The following PSMA8 variants were observed in gnomAD, a reference collection of about 807,000 sequenced individuals.
PSMA8 encodes proteasome 20S subunit alpha 8, also known as proteasome subunit alpha-type 8.
Under a neutral mutation model 32.4 loss-of-function variants are expected in PSMA8, and 18 were observed. The ratio of observed to expected loss-of-function variants is 0.56; its 90% CI spans 0.38 to 0.82. The LOEUF (loss-of-function observed/expected upper bound fraction) is 0.82. Among genes scored for constraint, PSMA8 ranks in the 40% least tolerant of loss-of-function variants. The pLI is 0.00. For missense variants in PSMA8, 298 were observed against 300.7 expected, an observed-to-expected ratio of 0.99 and a Z score of 0.07; for synonymous variants, 104 against 98.1, an observed-to-expected ratio of 1.06 and a Z score of -0.36.
At position 26,192,338 on chromosome 18, in the gene PSMA8, T is replaced by C. The variant is rs982439179; in HGVS notation, c.680T>C (p.Val227Ala). 2.6e-6 allele frequency: 4 copies of C among 1,514,614 alleles called. No homozygotes were observed. Among genetic ancestry groups the C allele is most frequent in the South Asian group, 1.4e-5 (1 of 72,058 alleles). The allele number at this position is 1,514,614 out of a possible 1,614,324, so 93.8% of individuals were successfully genotyped here. The stretch of plus-strand genomic sequence containing the variant: ...TTTCAGATGTTTAGTGCAAAAGAAG[T>C]TGAATTATATGTAACTGAAATAGAA... ...QPLKMFSAKE[V>A]ELYVTEIEKE... The change falls in exon 7 of 7, where the codon GTT becomes GCT. Residue 227 changes from valine (V) to alanine (A), a missense_variant. Val to Ala is a moderately conservative substitution (Grantham distance 64, BLOSUM62 0). Coordinates refer to ENST00000415576, the MANE Select transcript of PSMA8 (RefSeq NM_001025096.2).
At chr18:26,134,652 G>A (rs1160695586) in intron 1 of PSMA8, among the ~76,000 whole-genome samples, 1 of 152,062 alleles carries the variant, frequency 6.6e-6, no homozygotes, top group African/African-American at 2.4e-5. Flanking sequence ...TCAAACACAC[G>A]CGTTAAAAAT....
At chr18:26,164,422 C>T (rs1468652522) in intron 4 of PSMA8, among the ~76,000 whole-genome samples, 2 of 152,134 alleles carry the variant, frequency 1.3e-5, no homozygotes, top group African/African-American at 4.8e-5. Context: ...AAAGTTGTGG[C>T]GGACACCACC....
intron 2 of PSMA8, among the ~76,000 whole-genome samples, chr18:26,151,393 A>G (rs1352422665): frequency 2.0e-5 from 3 of 152,252 alleles, no homozygotes; most frequent in Non-Finnish European, 4.4e-5. Flanking sequence ...GTCTCCTTAC[A>G]GAAGTGTTGA....
chr18:26,164,508 A>G (rs1395943118), intron 4 of PSMA8, among the ~76,000 whole-genome samples: 1 of 152,230 alleles, frequency 6.6e-6, no homozygotes, highest in Non-Finnish European at 1.5e-5. Context: ...GCAATGGAAA[A>G]GAAATAACAT....
intron 1 of PSMA8, chr18:26,140,259 C>CA: frequency 1.6e-6 from 1 of 639,848 alleles, no homozygotes; most frequent in Non-Finnish European, 2.8e-6. Context: ...CCACAGGTGC[C>CA]AGCCTTGTAC....
intron 4 of PSMA8, among the ~76,000 whole-genome samples, chr18:26,164,485 G>A (rs759220836): frequency 1.4e-4 from 21 of 152,128 alleles, no homozygotes; most frequent in Non-Finnish European, 2.1e-4. Flanking sequence ...CATTATATGC[G>A]TCCTGCTGTG....
chr18:26,172,601 A>G (rs1332133968), intron 4 of PSMA8, among the ~76,000 whole-genome samples: 1 of 152,166 alleles, frequency 6.6e-6, no homozygotes, highest in Non-Finnish European at 1.5e-5. Flanking sequence ...CTTAGAGACC[A>G]GTTGAGAAGC....
At position 26,135,456 on chromosome 18, in the gene PSMA8, T is replaced by TAA. The variant is rs370819294; in HGVS notation, c.102+1398_102+1399dup. Reference sequence around the variant, plus strand: ...TTATAAATCTAACAGATGTAAGTGGTAAAAAAAAAACACTAGAAGAAGAAT... The same window carrying TAA: ...TTATAAATCTAACAGATGTAAGTGGTAAAAAAAAAAAACACTAGAAGAAGAAT... On this transcript the variant is annotated intron_variant, in intron 1 of 6. Transcript: ENST00000415576. Among the ~76,000 whole-genome samples, 6 of 148,600 alleles carry TAA rather than the reference T, an allele frequency of 4.0e-5. No individual in the cohort carries two copies. In the South Asian group the frequency reaches 6.4e-4, roughly 16 times the overall value.
chr18:26,149,981 AT>A (rs2055032336), intron 2 of PSMA8, among the ~76,000 whole-genome samples: 1 of 152,256 alleles, frequency 6.6e-6, no homozygotes, highest in Non-Finnish European at 1.5e-5. Context: ...TTATGATTGT[AT>A]CCTCAATATA....
In PSMA8 at chr18:26,167,845, ATT is replaced by A. The variant is rs762830746; in HGVS notation, c.477+9618_477+9619del. 1.4e-3 allele frequency among the ~76,000 whole-genome samples: 162 copies of A among 117,480 alleles called. 13 individuals carry two copies. The highest frequency in any genetic ancestry group is 8.0e-3 in the Middle Eastern group (2 of 250). The allele number at this position is 117,480 out of a possible 152,430, so 77.1% of individuals were successfully genotyped here. ...TGGTTTATGCCACCTGGTCTGTGGTATTTTTTTTTTTTTTTTTTATTAACAAG... is the reference window on the plus strand; with the variant it reads ...TGGTTTATGCCACCTGGTCTGTGGTATTTTTTTTTTTTTTTTATTAACAAG... On this transcript the variant is annotated intron_variant, in intron 4 of 6. Coordinates refer to ENST00000415576, the MANE Select transcript of PSMA8 (RefSeq NM_001025096.2).
chr18:26,168,130 T>A (rs2055194767), intron 4 of PSMA8, among the ~76,000 whole-genome samples: 2 of 112,768 alleles, frequency 1.8e-5, no homozygotes, highest in Admixed American at 1.8e-4. Flanking sequence ...GGCTTTTCAG[T>A]TTATAATGCA....
intron 4 of PSMA8, among the ~76,000 whole-genome samples, chr18:26,168,488 G>GTTTTTT (rs774062151): frequency 4.4e-5 from 3 of 67,674 alleles, no homozygotes; most frequent in African/African-American, 8.0e-5. Flanking sequence ...CTTTCCCCTT[G>GTTTTTT]TTTTTTTTTT....
At position 26,184,961 on chromosome 18, in the gene PSMA8, G is replaced by A. The variant is rs376689528; in HGVS notation, c.660+5831G>A. On this transcript the variant is annotated intron_variant, in intron 6 of 6. Transcript: ENST00000415576. The stretch of plus-strand genomic sequence containing the variant: ...AAATTAGCCAGGGGTGGTGGCTGGC[G>A]CCTGTAATTTCAGCTATTCAGGGGG... 4.0e-4 allele frequency among the ~76,000 whole-genome samples: 60 copies of A among 148,740 alleles called. 3 individuals are homozygous for A. Among genetic ancestry groups the A allele is most frequent in the African/African-American group, 1.4e-3 (56 of 40,142 alleles).
At chr18:26,177,078 C>G (rs1220847839) in intron 4 of PSMA8, among the ~76,000 whole-genome samples, 1 of 152,124 alleles carries the variant, frequency 6.6e-6, no homozygotes, top group Non-Finnish European at 1.5e-5. Context: ...CATAGTGTAT[C>G]AAGTTAAAAG....
chr18:26,176,748 C>T (rs1478917247), intron 4 of PSMA8, among the ~76,000 whole-genome samples: 2 of 151,912 alleles, frequency 1.3e-5, no homozygotes, highest in East Asian at 1.9e-4. Context: ...GCCTGGCCAA[C>T]AGGGTGAAAC....
At chr18:26,156,670 A>ATATATATTTTATATATATAATAG (rs1568060024) in intron 3 of PSMA8, among the ~76,000 whole-genome samples, 1 of 147,846 alleles carries the variant, frequency 6.8e-6, no homozygotes, top group Non-Finnish European at 1.5e-5. Flanking sequence ...ATATATAATA[A>ATATATATTTTATATATATAATAG]TGTGTGTGTA....
intron 4 of PSMA8, among the ~76,000 whole-genome samples, chr18:26,158,495 T>C (rs1019824022): frequency 1.3e-5 from 2 of 152,202 alleles, no homozygotes; most frequent in Non-Finnish European, 2.9e-5. Flanking sequence ...AAGAGAAATA[T>C]CCAGTTCCTA....
Position 26,179,062 on chromosome 18 carries a change from C to A in PSMA8, c.598-6C>A. 1 of 1,612,502 alleles carries A rather than the reference C, an allele frequency of 6.2e-7. No individual in the cohort carries two copies. Among genetic ancestry groups the A allele is most frequent in the Non-Finnish European group, 8.5e-7 (1 of 1,179,108 alleles). Reference sequence around the variant, plus strand: ...TAATTCTAATAGTGTACTTGTTCTACATTAGGTTGTCCAGTCTGGTGGAAA... The same window carrying A: ...TAATTCTAATAGTGTACTTGTTCTAAATTAGGTTGTCCAGTCTGGTGGAAA... On this transcript the variant is annotated splice_polypyrimidine_tract_variant and splice_region_variant and intron_variant, in intron 5 of 6. Transcript: ENST00000415576.
At chr18:26,149,585 T>C (rs1251566025) in intron 2 of PSMA8, among the ~76,000 whole-genome samples, 1 of 152,198 alleles carries the variant, frequency 6.6e-6, no homozygotes, top group Non-Finnish European at 1.5e-5. Flanking sequence ...GAAAGACATG[T>C]AACTAATGGA....
Sources: gnomAD v4.1 joint callset for allele counts (sites outside exome capture counted in the v4.1 genomes callset) on GRCh38, gnomAD v4.1.1 for gene constraint, MANE v1.5 for transcripts, NCBI Gene and HGNC (gene_info 2026-07-23, HGNC 2026-07-21) for gene names.